DHX15: variants seen among roughly 807,000 people sequenced by gnomAD.
DHX15 encodes DEAH-box helicase 15, also known as ATP-dependent RNA helicase DHX15.
Under a neutral mutation model 94.4 loss-of-function variants are expected in DHX15, and 11 were observed. The ratio of observed to expected loss-of-function variants is 0.12; its 90% CI spans 0.07 to 0.19. The LOEUF (loss-of-function observed/expected upper bound fraction) is 0.19. Among genes scored for constraint, DHX15 ranks in the 10% least tolerant of loss-of-function variants. The pLI is 1.00. For synonymous variants in DHX15, 338 were observed against 329.9 expected, an observed-to-expected ratio of 1.02 and a Z score of -0.27; for missense variants, 304 against 988.5, an observed-to-expected ratio of 0.31 and a Z score of 9.29.
chr4:24,580,103 C>A (rs924924260), intron 1 of DHX15, among the ~76,000 whole-genome samples: 1 of 152,188 alleles, frequency 6.6e-6, no homozygotes, highest in Non-Finnish European at 1.5e-5. Context: ...AGTTCTAATA[C>A]CATGTTAAAA....
At chr4:24,583,465 T>C (rs1722514679) in intron 1 of DHX15, among the ~76,000 whole-genome samples, 1 of 141,120 alleles carries the variant, frequency 7.1e-6, no homozygotes, top group Non-Finnish European at 1.6e-5. Context: ...GCATAGAAAA[T>C]AAATGATGAA....
intron 2 of DHX15, among the ~76,000 whole-genome samples, chr4:24,574,230 T>TAAAAAAAAAAAAAAAAAAA (rs1413770864): frequency 1.5e-4 from 12 of 81,860 alleles, no homozygotes; most frequent in East Asian, 2.8e-4. Context: ...AAAAAAAAAG[T>TAAAAAAAAAAAAAAAAAAA]TAAAGTCATT....
At chr4:24,584,124 C>G in intron 1 of DHX15, 199 bp downstream of exon 1, 1 of 589,922 alleles carries the variant, frequency 1.7e-6, no homozygotes, top group Non-Finnish European at 2.9e-6. Context: ...GGGCAGCGGC[C>G]CCGTCGCACG....
chr4:24,549,036 G>A lies in DHX15; in HGVS notation c.1081-14C>T. On this transcript the variant is annotated splice_polypyrimidine_tract_variant and intron_variant, in intron 5 of 13. Coordinates refer to ENST00000336812, the MANE Select transcript of DHX15 (RefSeq NM_001358.3). Reference sequence around the variant, plus strand: ...TTCATCAATTTCCTACAAAATAAAAGTGAGTCTAAAAACGAATACTGAAAC... The same window carrying A: ...TTCATCAATTTCCTACAAAATAAAAATGAGTCTAAAAACGAATACTGAAAC... 2 of 1,602,498 alleles carry A rather than the reference G, an allele frequency of 1.2e-6. No individual in the cohort carries two copies. The highest frequency in any genetic ancestry group is 1.7e-6 in the Non-Finnish European group (2 of 1,174,432).
Position 24,574,205 on chromosome 4 carries a change from C to CAAAAAAAAA in DHX15, c.507+2029_507+2037dup, listed in dbSNP as rs61031930. Among the ~76,000 whole-genome samples the CAAAAAAAAA allele has an allele frequency of 1.1e-3, 75 of 68,856 alleles. 3 individuals carry two copies. The highest frequency in any genetic ancestry group is 2.6e-3 in the African/African-American group (47 of 18,316). 45.2% of individuals were successfully genotyped at this position (68,856 alleles called of 152,430 possible). ...TGGGTGACAGAGCGAGACTTTGTCT[C>CAAAAAAAAA]AAAAAAAAAAAAAAAAAAAAAAAGT... On this transcript the variant is annotated intron_variant, in intron 2 of 13. Transcript: ENST00000336812.
chr4:24,558,064 C>T (rs1276302834), intron 3 of DHX15, among the ~76,000 whole-genome samples: 1 of 151,920 alleles, frequency 6.6e-6, no homozygotes, highest in Non-Finnish European at 1.5e-5. Flanking sequence ...ATTTCCCAGC[C>T]TCTTGATACT....
chr4:24,540,979 T>C, intron 8 of DHX15, 31 bp from the exon 9 acceptor site: 2 of 1,377,750 alleles, frequency 1.5e-6, no homozygotes, highest in African/African-American at 2.9e-5. Context: ...TTATTGGTTA[T>C]GTTAAAAATG....
intron 3 of DHX15, among the ~76,000 whole-genome samples, chr4:24,569,837 C>T (rs780058238): frequency 6.6e-6 from 1 of 152,094 alleles, no homozygotes; most frequent in South Asian, 2.1e-4. Flanking sequence ...CAGGCATGAT[C>T]AGAGCACACT....
intron 1 of DHX15, among the ~76,000 whole-genome samples, chr4:24,578,358 A>G (rs904859951): frequency 6.6e-6 from 1 of 152,218 alleles, no homozygotes; most frequent in Non-Finnish European, 1.5e-5. Flanking sequence ...GGTGTAGTTT[A>G]TAATAAGAGT....
At position 24,544,820 on chromosome 4, in the gene DHX15, T is replaced by G. The variant is rs115560027; in HGVS notation, c.1249-1794A>C. On this transcript the variant is annotated intron_variant, in intron 6 of 13. Transcript: ENST00000336812. The stretch of plus-strand genomic sequence containing the variant: ...AAGGATGTGGAAATGCTCTATAAAC[T>G]ATACAGAATAGGCCAGGCATGGTGG... Among the ~76,000 whole-genome samples, 776 of 152,210 alleles carry G rather than the reference T, an allele frequency of 5.1e-3. 7 individuals are homozygous for G. Among genetic ancestry groups the G allele is most frequent in the African/African-American group, 0.018 (748 of 41,520 alleles).
At position 24,582,454 on chromosome 4, in the gene DHX15, A is replaced by C. The variant is rs79805433; in HGVS notation, c.71+1869T>G. Among the ~76,000 whole-genome samples, 778 of 152,354 alleles carry C rather than the reference A, an allele frequency of 5.1e-3. 5 individuals are homozygous for C. The highest frequency in any genetic ancestry group is 0.018 in the African/African-American group (737 of 41,582). Reference sequence around the variant, plus strand: ...AAGGGGAACATTTTAAATGGTGCACATATGCACAAATACAAATGAATTCAT... The same window carrying C: ...AAGGGGAACATTTTAAATGGTGCACCTATGCACAAATACAAATGAATTCAT... On this transcript the variant is annotated intron_variant, in intron 1 of 13. Coordinates refer to ENST00000336812, the MANE Select transcript of DHX15 (RefSeq NM_001358.3).
At chr4:24,553,676 C>A (rs1459598023) in intron 5 of DHX15, among the ~76,000 whole-genome samples, 1 of 151,844 alleles carries the variant, frequency 6.6e-6, no homozygotes, top group African/African-American at 2.4e-5. Context: ...ACTTGGGAGG[C>A]TGAGGCAAGA....
chr4:24,570,811 G>T lies in DHX15; in HGVS notation c.544C>A (p.Pro182Thr), dbSNP rs747358035. The change falls in exon 3 of 14, where the codon CCA (proline) becomes ACA (threonine). Residue 182 changes from proline (P) to threonine (T), a missense_variant. By Grantham distance (38) the Pro-to-Thr change is conservative (BLOSUM62 -1). Around this residue, in one of 9 missense-constraint regions of DHX15, gnomAD observed 10 missense variants for 18.4 expected, o/e 0.54. Coordinates refer to ENST00000336812, the MANE Select transcript of DHX15 (RefSeq NM_001358.3). Reference sequence around the variant, plus strand: ...CAGGCAACTCCTCTCTTGGGTCCTGGTAATGATCGCATGTACTCCACACAC... The same window carrying T: ...CAGGCAACTCCTCTCTTGGGTCCTGTTAATGATCGCATGTACTCCACACAC... Reference protein sequence around the residue: ...QWCVEYMRSLPGPKRGVACTQ... With the variant: ...QWCVEYMRSLTGPKRGVACTQ... 6.2e-7 allele frequency: 1 copy of T among 1,614,102 alleles called. No individual in the cohort carries two copies. Among genetic ancestry groups the T allele is most frequent in the Non-Finnish European group, 8.5e-7 (1 of 1,180,020 alleles).
At chr4:24,531,655 G>A (rs1200656286) in intron 12 of DHX15, among the ~76,000 whole-genome samples, 1 of 152,026 alleles carries the variant, frequency 6.6e-6, no homozygotes, top group African/African-American at 2.4e-5. Flanking sequence ...GGAGGTAAAA[G>A]CTGCAGTGAG....
At chr4:24,563,206 T>C (rs535938143) in intron 3 of DHX15, 1 of 152,128 alleles carries the variant, frequency 6.6e-6, no homozygotes, top group East Asian at 1.9e-4. Context: ...GACAAGGCCT[T>C]GCTATGTTGC....
chr4:24,583,085 A>C (rs377455651), intron 1 of DHX15, among the ~76,000 whole-genome samples: 2 of 152,348 alleles, frequency 1.3e-5, no homozygotes. Flanking sequence ...TTAGCTGAAA[A>C]ATTCAAAACA....
rs1267542551 is a variant in DHX15, at chr4:24,540,799, G to C, written c.1594+41C>G. 4 of 1,128,584 alleles carry C rather than the reference G, an allele frequency of 3.5e-6. No homozygotes were observed. In the East Asian group the frequency reaches 9.5e-5, roughly 27 times the overall value. The allele number at this position is 1,128,584 out of a possible 1,614,324, so 69.9% of individuals were successfully genotyped here. A position where few individuals can be genotyped will look rare whatever the true frequency, so the allele number is the denominator to read the frequency against. On this transcript the variant is annotated intron_variant, in intron 9 of 13. Transcript: ENST00000336812. The stretch of plus-strand genomic sequence containing the variant: ...GAGAAAAACACTAAGAGTCAATTTT[G>C]GTTAAAAGATCTGATAAAAATGTGT...
At chr4:24,549,937 T>C (rs1721551762) in intron 5 of DHX15, among the ~76,000 whole-genome samples, 1 of 150,894 alleles carries the variant, frequency 6.6e-6, no homozygotes, top group Non-Finnish European at 1.5e-5. Flanking sequence ...CTACTAAAAA[T>C]ACAAAATTAG....
intron 8 of DHX15, 145 bp downstream of exon 8, chr4:24,541,728 T>G: frequency 1.3e-6 from 1 of 775,590 alleles, no homozygotes; most frequent in Non-Finnish European, 2.0e-6. Context: ...TCTAAGTTAA[T>G]TACACCATAC....
Sources: gnomAD v4.1 joint callset for allele counts (sites outside exome capture counted in the v4.1 genomes callset) on GRCh38, gnomAD v4.1.1 for gene constraint, gnomAD v4.1.1 regional missense constraint, MANE v1.5 for transcripts, NCBI Gene and HGNC (gene_info 2026-07-23, HGNC 2026-07-21) for gene names.